Variants in NBPF6 observed in about 807,000 individuals in gnomAD.
NBPF6 encodes the protein NBPF member 6.
In NBPF6, 2 loss-of-function variants were observed where a neutral mutation model predicts 20.8. The observed-to-expected ratio is 0.10, with a 90% CI of 0.04 to 0.30. The LOEUF is 0.30. Ranked by LOEUF, NBPF6 falls within the 10% of genes least tolerant of loss-of-function variation. The probability of loss-of-function intolerance (pLI) is 1.00; values close to 1 mark genes in which losing one functional copy is unlikely to be tolerated. For missense variants in NBPF6, 85 were observed against 260.3 expected (o/e 0.33, Z 4.63); for synonymous variants, 24 against 100.0 (o/e 0.24, Z 4.53).
At position 108,467,599 on chromosome 1, in the gene NBPF6, A is replaced by C. The variant is rs766862740; in HGVS notation, c.1809A>C (p.Arg603Ser). 6.5e-7 allele frequency: 1 copy of C among 1,549,784 alleles called. No individual in the cohort carries two copies. The highest frequency in any genetic ancestry group is 1.4e-5 in the African/African-American group (1 of 72,712). ...SLVLILKTIR[R>S]RLPFSKWRLA... is the part of the protein sequence containing the mutation. ...TCCTGATACTGAAGACCATCAGAAG[A>C]AGACTCCCGTTCAGCAAGTGGAGAC... The change falls in exon 14 of 15, where the codon AGA (arginine) becomes AGC (serine). Residue 603 changes from arginine to serine, a missense_variant. Arg to Ser is a moderately radical substitution (Grantham distance 110, BLOSUM62 -1). Around this residue, in one of 5 missense-constraint regions of NBPF6, gnomAD observed 11 missense variants for 40.9 expected, o/e 0.27. Transcript: ENST00000495380.
Position 108,470,364 on chromosome 1 carries a change from T to C in NBPF6, c.1876-233T>C, listed in dbSNP as rs547153305. On this transcript the variant is annotated intron_variant, in intron 14 of 14. Coordinates refer to ENST00000495380, the MANE Select transcript of NBPF6 (RefSeq NM_001143988.2). ...GATGTTGCCCACTGCTGGTTGGGCA[T>C]AGGTGGGGTCCTTATATCCTGCACC... Among the ~76,000 whole-genome samples the C allele has an allele frequency of 1.2e-3, 167 of 140,170 alleles. 3 individuals carry two copies. The highest frequency in any genetic ancestry group is 4.5e-3 in the African/African-American group (159 of 35,246). The allele number at this position is 140,170 out of a possible 152,430, so 92.0% of individuals were successfully genotyped here.
At chr1:108,436,592 CAA>C in the NBPF6 span, among the ~76,000 whole-genome samples, 1,294 of 16,214 alleles carry the variant, frequency 0.08, 62 homozygotes, top group Admixed American at 0.18. Context: ...GGCTCTGTCT[CAA>C]AAAAAAAAAA....
At chr1:108,459,414 G>T (rs1474894921) in intron 9 of NBPF6, among the ~76,000 whole-genome samples, 1 of 148,368 alleles carries the variant, frequency 6.7e-6, no homozygotes, top group African/African-American at 2.5e-5. Context: ...TCTGCTTTCT[G>T]CTGGTTTTGC....
chr1:108,467,280 G>A, intron 13 of NBPF6, among the ~76,000 whole-genome samples, 171 bp from the exon 14 acceptor site: 1 of 104,992 alleles, frequency 9.5e-6, no homozygotes. Context: ...GAGTAATGTA[G>A]GAAAGATCAA....
At chr1:108,436,612 AAG>A in the NBPF6 span, among the ~76,000 whole-genome samples, 7 of 53,902 alleles carry the variant, frequency 1.3e-4, no homozygotes, top group Middle Eastern at 8.6e-3. Context: ...AAAAAAAAAA[AAG>A]AAAAGAAAAG....
At chr1:108,429,578 A>G in the NBPF6 span, among the ~76,000 whole-genome samples, 1 of 146,244 alleles carries the variant, frequency 6.8e-6, no homozygotes, top group Admixed American at 6.8e-5. Context: ...TAATTTCATT[A>G]TATACCCAGG....
chr1:108,435,733 T>TGA, the NBPF6 span, among the ~76,000 whole-genome samples: 3 of 52,132 alleles, frequency 5.8e-5, no homozygotes, highest in African/African-American at 1.6e-4. Flanking sequence ...CTGCCCAGCC[T>TGA]GAAAACTGAA....
rs532941817 is a variant in NBPF6 at position 108,471,834 on chromosome 1, GT to G, written c.*1200del. 3.3e-3 allele frequency among the ~76,000 whole-genome samples: 495 copies of G among 152,136 alleles called. 2 individuals are homozygous for G. The highest frequency in any genetic ancestry group is 0.011 in the African/African-American group (474 of 41,504). ...GACTAGTGAATTTTTCACATACAAT[GT>G]TTTAAGCTTTTATTTTATTATTGGT... On this transcript the variant is annotated 3_prime_UTR_variant, in exon 15 of 15. Coordinates refer to ENST00000495380, the MANE Select transcript of NBPF6 (RefSeq NM_001143988.2).
chr1:108,468,087 A>G (rs1653245170), intron 14 of NBPF6, among the ~76,000 whole-genome samples: 1 of 151,256 alleles, frequency 6.6e-6, no homozygotes, highest in African/African-American at 2.4e-5. Flanking sequence ...ATTTACACGA[A>G]GATTTTCCTC....
At position 108,471,413 on chromosome 1, in the gene NBPF6, G is replaced by A. The variant is rs1348187551; in HGVS notation, c.*775G>A. 6.6e-6 allele frequency among the ~76,000 whole-genome samples: 1 copy of A among 152,188 alleles called. No homozygotes were observed. The highest frequency in any genetic ancestry group is 1.5e-5 in the Non-Finnish European group (1 of 68,030). On this transcript the variant is annotated 3_prime_UTR_variant, in exon 15 of 15. Coordinates refer to ENST00000495380, the MANE Select transcript of NBPF6 (RefSeq NM_001143988.2). ...CTCAGCCCATCTGCAGGCAGAGAAG[G>A]CCCAGTGTGTCCATCCCCAGTGCGG...
intron 13 of NBPF6, 38 bp downstream of exon 13, chr1:108,465,462 G>A: frequency 2.0e-6 from 1 of 492,382 alleles, no homozygotes; most frequent in East Asian, 3.7e-5. Flanking sequence ...TCTAATCCAG[G>A]TGTTGGTGGT....
chr1:108,442,463 T>C, the NBPF6 span, among the ~76,000 whole-genome samples: 1 of 152,292 alleles, frequency 6.6e-6, no homozygotes, highest in African/African-American at 2.4e-5. Context: ...CACACTTAGG[T>C]AGAAAATATT....
chr1:108,448,309 TA>T (rs1652689766), upstream of NBPF6, among the ~76,000 whole-genome samples: 2 of 146,940 alleles, frequency 1.4e-5, no homozygotes, highest in Non-Finnish European at 1.5e-5. Context: ...AGAAAAGTTA[TA>T]AAAAGGCAAA....
the NBPF6 span, among the ~76,000 whole-genome samples, chr1:108,438,501 TC>T: frequency 5.1e-5 from 5 of 99,006 alleles, 1 homozygote; most frequent in African/African-American, 1.2e-4. Context: ...AGAGAATACT[TC>T]CAAAATCATT....
chr1:108,467,656 G>A lies in NBPF6; in HGVS notation c.1866G>A (p.Glu622=). 6.5e-7 allele frequency: 1 copy of A among 1,549,326 alleles called. No individual in the cohort carries two copies. Among genetic ancestry groups the A allele is most frequent in the Non-Finnish European group, 8.7e-7 (1 of 1,145,340 alleles). The change falls in exon 14 of 15, where the codon GAG becomes GAA. Residue 622 remains glutamate (E), a synonymous_variant. Coordinates refer to ENST00000495380, the MANE Select transcript of NBPF6 (RefSeq NM_001143988.2). Reference sequence around the variant, plus strand: ...TCAGATTCGCTGGCCCGCATGCTGAGAGTGCAGAGGTAATCACATCTATGG... The same window carrying A: ...TCAGATTCGCTGGCCCGCATGCTGAAAGTGCAGAGGTAATCACATCTATGG... ...LAFRFAGPHA[E]SAEIPNTAER... is the part of the protein sequence containing the mutation.
At position 108,465,751 on chromosome 1, in the gene NBPF6, G is replaced by T. The variant is rs1348448286; in HGVS notation, c.1660+327G>T. ...CAAAGGGCCTGATTCCATAAGAATT[G>T]CCCAATAAACCTATGAGTAGGTGTT... On this transcript the variant is annotated intron_variant, in intron 13 of 14. Transcript: ENST00000495380. Among the ~76,000 whole-genome samples the T allele has an allele frequency of 6.5e-5, 7 of 107,836 alleles. 2 individuals carry two copies. The highest frequency in any genetic ancestry group is 3.6e-4 in the Admixed American group (4 of 11,108). 70.7% of individuals were successfully genotyped at this position (107,836 alleles called of 152,430 possible).
rs1227703337 is a variant in NBPF6, at chr1:108,471,842, CTTTTA to C, written c.*1212_*1216del. Among the ~76,000 whole-genome samples the C allele has an allele frequency of 6.6e-6, 1 of 151,962 alleles. No individual in the cohort carries two copies. Among genetic ancestry groups the C allele is most frequent in the African/African-American group, 2.4e-5 (1 of 41,338 alleles). On this transcript the variant is annotated 3_prime_UTR_variant, in exon 15 of 15. Coordinates refer to ENST00000495380, the MANE Select transcript of NBPF6 (RefSeq NM_001143988.2). ...AATTTTTCACATACAATGTTTTAAG[CTTTTA>C]TTTTATTATTGGTTTTCATGGATAA...
rs759252996 is a variant in NBPF6 at position 108,452,980 on chromosome 1, T to TTGTGTGTG, written c.279-179_279-172dup. ...TGTGTGTGTGTGTGTGTATGTTTGTTTGTGTGTGTGTGTGTGTGTGTGTGT... is the reference window on the plus strand; with the variant it reads ...TGTGTGTGTGTGTGTGTATGTTTGTTTGTGTGTGTGTGTGTGTGTGTGTGTGTGTGTGT... On this transcript the variant is annotated intron_variant, in intron 3 of 14. Coordinates refer to ENST00000495380, the MANE Select transcript of NBPF6 (RefSeq NM_001143988.2). Among the ~76,000 whole-genome samples the TTGTGTGTG allele has an allele frequency of 2.3e-4, 11 of 47,414 alleles. 1 individual carries two copies. The highest frequency in any genetic ancestry group is 5.6e-4 in the East Asian group (1 of 1,786). 31.1% of individuals were successfully genotyped at this position (47,414 alleles called of 152,430 possible).
rs1434892951 is a variant in NBPF6 at position 108,450,799 on chromosome 1, A to T, written c.178+20A>T. 2.7e-6 allele frequency: 2 copies of T among 749,038 alleles called. No individual in the cohort carries two copies. Among genetic ancestry groups the T allele is most frequent in the African/African-American group, 3.8e-5 (2 of 53,332 alleles). The allele number at this position is 749,038 out of a possible 1,614,324, so 46.4% of individuals were successfully genotyped here. A position where few individuals can be genotyped will look rare whatever the true frequency, so the allele number is the denominator to read the frequency against. ...AATACAGTAAGTTCTATAGATTCACAATGATGAACGTGATGAATGATCACC... is the reference window on the plus strand; with the variant it reads ...AATACAGTAAGTTCTATAGATTCACTATGATGAACGTGATGAATGATCACC... On this transcript the variant is annotated intron_variant, in intron 2 of 14. Coordinates refer to ENST00000495380, the MANE Select transcript of NBPF6 (RefSeq NM_001143988.2).
Sources: allele counts gnomAD v4.1 joint callset (sites outside exome capture counted in the v4.1 genomes callset), GRCh38; gene constraint gnomAD v4.1.1; regional missense constraint gnomAD v4.1.1; transcripts MANE v1.5; gene names NCBI Gene and HGNC (gene_info 2026-07-23, HGNC 2026-07-21).